PTPN21: variants seen among roughly 807,000 people sequenced by gnomAD.
The protein encoded by PTPN21 is tyrosine-protein phosphatase non-receptor type 21.
A neutral mutation model predicts 131.8 loss-of-function variants in PTPN21; 77 were observed. That is an observed-to-expected ratio of 0.58 (90% CI 0.49 to 0.71). The LOEUF (loss-of-function observed/expected upper bound fraction) is 0.71, where lower values mean the gene tolerates loss of function less well. Among genes scored for constraint, PTPN21 ranks in the 30% least tolerant of loss-of-function variants. The probability of loss-of-function intolerance (pLI) is 0.00; values close to 1 mark genes in which losing one functional copy is unlikely to be tolerated. For missense variants in PTPN21, 1,552 were observed against 1,527.1 expected, an observed-to-expected ratio of 1.02 and a Z score of -0.27; for synonymous variants, 715 against 621.3, an observed-to-expected ratio of 1.15 and a Z score of -2.24.
At chr14:88,543,840 A>C (rs1162125190) in intron 2 of PTPN21, among the ~76,000 whole-genome samples, 1 of 152,198 alleles carries the variant, frequency 6.6e-6, no homozygotes, top group Non-Finnish European at 1.5e-5. Context: ...CTCAGTATTT[A>C]ACTCAACTTC....
chr14:88,469,794 A>T lies in PTPN21; in HGVS notation c.3001-61T>A, dbSNP rs1045075566. On this transcript the variant is annotated intron_variant, in intron 16 of 18. Transcript: ENST00000556564. This position sits in a 1 kb window ranked among gnomAD's most constrained non-coding sequence, Gnocchi z 4.3. ...CCGGCAATGGATGCCTTTCTCACAT[A>T]GACGGCACATCTGAAACAGAACCAC... 6.3e-7 allele frequency: 1 copy of T among 1,598,074 alleles called. No homozygotes were observed. The highest frequency in any genetic ancestry group is 8.6e-7 in the Non-Finnish European group (1 of 1,165,582).
intron 2 of PTPN21, among the ~76,000 whole-genome samples, chr14:88,542,700 C>A (rs1437542728): frequency 6.6e-6 from 1 of 152,166 alleles, no homozygotes; most frequent in Non-Finnish European, 1.5e-5. Flanking sequence ...ATTTATATGG[C>A]TAATTCTTAA....
rs1425040090 is a variant in PTPN21 at position 88,550,434 on chromosome 14, G to T, written c.-17C>A. The stretch of plus-strand genomic sequence containing the variant: ...CAGTGGCATCTTCTTCTTTCTTCAA[G>T]AATGGAGGAGCAAAGAGGGAAAAGC... On this transcript the variant is annotated 5_prime_UTR_variant, in exon 2 of 19. Transcript: ENST00000556564. 2 of 1,609,954 alleles carry T rather than the reference G, an allele frequency of 1.2e-6. No homozygotes were observed. Among genetic ancestry groups the T allele is most frequent in the Non-Finnish European group, 1.7e-6 (2 of 1,177,210 alleles).
At chr14:88,495,787 G>A (rs530201628) in intron 10 of PTPN21, among the ~76,000 whole-genome samples, 1 of 152,284 alleles carries the variant, frequency 6.6e-6, no homozygotes, top group African/African-American at 2.4e-5. Context: ...GTACTGCGGA[G>A]CGGTCAAGTG....
At chr14:88,507,391 G>GT (rs1269389415) in intron 4 of PTPN21, among the ~76,000 whole-genome samples, 1 of 152,128 alleles carries the variant, frequency 6.6e-6, no homozygotes, top group East Asian at 1.9e-4. Context: ...AACCTAGGTG[G>GT]TGCAGCCTAC....
At chr14:88,521,554 C>A (rs1340043769) in intron 2 of PTPN21, among the ~76,000 whole-genome samples, 2 of 145,390 alleles carry the variant, frequency 1.4e-5, no homozygotes, top group African/African-American at 5.0e-5. Flanking sequence ...AGGCACCCGC[C>A]ACCACGCCCA....
Position 88,479,597 on chromosome 14 carries a change from G to T in PTPN21, c.1834C>A (p.Pro612Thr), listed in dbSNP as rs1240060532. The change falls in exon 13 of 19, where the codon CCC becomes ACC. Residue 612 changes from proline to threonine, a missense_variant. Pro to Thr is a conservative substitution (Grantham distance 38). Coordinates refer to ENST00000556564, the MANE Select transcript of PTPN21 (RefSeq NM_007039.4). ...SVQTFQEDSL[P>T]VAHSLQEVSE... ...ACCTCCTGCAGCGAGTGCGCCACGG[G>T]CAGGCTGTCCTCCTGGAACGTTTGC... is the stretch of plus-strand genomic sequence containing the variant. 2 of 1,588,134 alleles carry T rather than the reference G, an allele frequency of 1.3e-6. No homozygotes were observed. The highest frequency in any genetic ancestry group is 1.7e-6 in the Non-Finnish European group (2 of 1,173,116).
intron 2 of PTPN21, among the ~76,000 whole-genome samples, chr14:88,518,414 A>ATTTTTTTTT (rs869305749): frequency 9.3e-5 from 1 of 10,790 alleles, no homozygotes; most frequent in Non-Finnish European, 1.9e-4. Context: ...ATATATATAT[A>ATTTTTTTTT]TTTTTTTTTT....
chr14:88,473,824 T>C, intron 13 of PTPN21, 22 bp from the exon 14 acceptor site: 1 of 1,578,100 alleles, frequency 6.3e-7, no homozygotes, highest in Non-Finnish European at 8.6e-7. Flanking sequence ...TTTATATGTA[T>C]ATATGAAATA....
intron 15 of PTPN21, 25 bp from the exon 16 acceptor site, chr14:88,470,075 A>G: frequency 6.2e-7 from 1 of 1,607,216 alleles, no homozygotes; most frequent in Non-Finnish European, 8.5e-7. Flanking sequence ...GGTTAAAAAA[A>G]TTGATGTGTG....
At chr14:88,474,083 A>G (rs770596748) in intron 13 of PTPN21, among the ~76,000 whole-genome samples, 20 of 145,934 alleles carry the variant, frequency 1.4e-4, no homozygotes, top group Non-Finnish European at 1.0e-4. Context: ...CTCCAGGCAG[A>G]CTGCATTCCT....
At position 88,467,195 on chromosome 14, in the gene PTPN21, C is replaced by T. The variant is rs554984748; in HGVS notation, c.*942G>A. 1 of 149,184 alleles carries T rather than the reference C, an allele frequency of 6.7e-6. No individual in the cohort carries two copies. The highest frequency in any genetic ancestry group is 1.9e-4 in the East Asian group (1 of 5,174). The allele number at this position is 149,184 out of a possible 1,614,324, so 9.2% of individuals were successfully genotyped here. On this transcript the variant is annotated 3_prime_UTR_variant, in exon 19 of 19. Transcript: ENST00000556564. ...CTTACATACTCTTAGTCCTTAATCTCTCCCAAAACGCTTCTCAGCGCCCAT... is the reference window on the plus strand; with the variant it reads ...CTTACATACTCTTAGTCCTTAATCTTTCCCAAAACGCTTCTCAGCGCCCAT...
Position 88,518,027 on chromosome 14 carries a change from CCA to C in PTPN21, c.181-768_181-767del, listed in dbSNP as rs1034660662. Among the ~76,000 whole-genome samples, 118 of 147,034 alleles carry C rather than the reference CCA, an allele frequency of 8.0e-4. 2 individuals are homozygous for C. The highest frequency in any genetic ancestry group is 6.4e-3 in the Admixed American group (94 of 14,584). ...AAAATTGAGTAGCCCCCACTACATTCCAGTGTCTAGGTCGTGAATGTATTTTT... is the reference window on the plus strand; with the variant it reads ...AAAATTGAGTAGCCCCCACTACATTCGTGTCTAGGTCGTGAATGTATTTTT... On this transcript the variant is annotated intron_variant, in intron 2 of 18. Coordinates refer to ENST00000556564, the MANE Select transcript of PTPN21 (RefSeq NM_007039.4).
intron 10 of PTPN21, chr14:88,493,307 CTG>C (rs2077852809): frequency 3.1e-6 from 1 of 320,186 alleles, no homozygotes. Context: ...ACTAAGCAAA[CTG>C]AATGTTTGGT....
intron 2 of PTPN21, among the ~76,000 whole-genome samples, chr14:88,527,781 T>C (rs1305347179): frequency 6.6e-6 from 1 of 152,232 alleles, no homozygotes; most frequent in African/African-American, 2.4e-5. Context: ...ATTTTAATAG[T>C]TTCAGGTCTT....
At chr14:88,529,573 C>A (rs1336767832) in intron 2 of PTPN21, among the ~76,000 whole-genome samples, 1 of 152,096 alleles carries the variant, frequency 6.6e-6, no homozygotes, top group African/African-American at 2.4e-5. Flanking sequence ...CCTGGTCTTG[C>A]TAGAGATTTA....
intron 2 of PTPN21, among the ~76,000 whole-genome samples, chr14:88,527,809 C>A (rs889558049): frequency 6.6e-6 from 1 of 152,076 alleles, no homozygotes; most frequent in Non-Finnish European, 1.5e-5. Context: ...AGTCTTTGAT[C>A]CCACTTGAGT....
intron 2 of PTPN21, among the ~76,000 whole-genome samples, chr14:88,523,716 GACACACACACACACAC>G (rs71126989): frequency 2.8e-5 from 4 of 144,442 alleles, no homozygotes; most frequent in Non-Finnish European, 4.5e-5. Flanking sequence ...CCCCAACCGT[GACACACACACACACAC>G]ACACACACAC....
rs1427126172 is a variant in PTPN21 at position 88,479,860 on chromosome 14, T to C, written c.1571A>G (p.Tyr524Cys). Residue 524 changes from tyrosine (Y) to cysteine (C), a missense_variant, in exon 13 of 19, where the codon TAC becomes TGC. Physicochemically the swap from Tyr to Cys is radical, Grantham distance 194 (BLOSUM62 -2). This residue lies in a region of PTPN21 where 1,016 missense variants were observed against 883.5 expected (regional missense o/e 1.15). Transcript: ENST00000556564. ...LSYSFHSPSP[Y>C]PYPAERRPVV... The stretch of plus-strand genomic sequence containing the variant: ...GGGCCGCCGCTCGGCAGGGTAGGGG[T>C]AGGGAGACGGGCTGTGGAAGCTGTA... 1 of 1,568,770 alleles carries C rather than the reference T, an allele frequency of 6.4e-7. No individual in the cohort carries two copies. The highest frequency in any genetic ancestry group is 8.6e-7 in the Non-Finnish European group (1 of 1,162,012).
Sources: gnomAD v4.1 joint callset for allele counts (sites outside exome capture counted in the v4.1 genomes callset) on GRCh38, gnomAD v4.1.1 for gene constraint, gnomAD v4.1.1 regional missense constraint, Gnocchi (gnomAD v3.1) non-coding constraint, MANE v1.5 for transcripts, NCBI Gene and HGNC (gene_info 2026-07-23, HGNC 2026-07-21) for gene names.